The following FBXW7 variants were observed in gnomAD, a reference collection of about 807,000 sequenced individuals.
FBXW7 encodes F-box/WD repeat-containing protein 7.
A neutral mutation model predicts 86.3 loss-of-function variants in FBXW7; 11 were observed. The observed-to-expected ratio is 0.13, with a 90% confidence interval of 0.08 to 0.21. The LOEUF is 0.21. Among genes scored for constraint, FBXW7 ranks in the 10% least tolerant of loss-of-function variants. The pLI, the probability that FBXW7 is intolerant of heterozygous loss-of-function variation, is 1.00. For synonymous variants in FBXW7, 313 were observed against 297.9 expected, an observed-to-expected ratio of 1.05 and a Z score of -0.52; for missense variants, 488 against 847.4, an observed-to-expected ratio of 0.58 and a Z score of 5.27.
chr4:152,352,617 T>C (rs1274166100), intron 4 of FBXW7: 13 of 1,613,894 alleles, frequency 8.1e-6, no homozygotes, highest in Non-Finnish European at 1.1e-5. Flanking sequence ...CAGATTCTAA[T>C]GTGGACATGC....
intron 4 of FBXW7, among the ~76,000 whole-genome samples, chr4:152,374,060 T>C (rs2676345): frequency 0.96 from 146,002 of 152,104 alleles, 70,365 homozygotes; most frequent in East Asian, 1. Flanking sequence ...TCTGGAAATG[T>C]TTATATTTTC....
At chr4:152,367,208 T>C (rs1256635651) in intron 4 of FBXW7, among the ~76,000 whole-genome samples, 3 of 152,084 alleles carry the variant, frequency 2.0e-5, no homozygotes, top group Non-Finnish European at 4.4e-5. Context: ...CAAACCAACA[T>C]GGCACATGTA....
At chr4:152,369,508 C>T (rs1307130149) in intron 4 of FBXW7, among the ~76,000 whole-genome samples, 1 of 151,970 alleles carries the variant, frequency 6.6e-6, no homozygotes, top group South Asian at 2.1e-4. Context: ...GAGATAACTG[C>T]TCAGTTGTCT....
At position 152,496,360 on chromosome 4, in the gene FBXW7, T is replaced by TA. The variant is rs199903012; in HGVS notation, c.-120+38580dup. Reference sequence around the variant, plus strand: ...GATGGTAACAAAAATCATAAAAACCTAAAAAAAAAAAATCTAATGAAGACT... The same window carrying TA: ...GATGGTAACAAAAATCATAAAAACCTAAAAAAAAAAAAATCTAATGAAGACT... On this transcript the variant is annotated intron_variant, in intron 2 of 13. Coordinates refer to ENST00000281708, the MANE Select transcript of FBXW7 (RefSeq NM_001349798.2). Among the ~76,000 whole-genome samples, 474 of 145,096 alleles carry TA rather than the reference T, an allele frequency of 3.3e-3. 1 individual carries two copies. Among genetic ancestry groups the TA allele is most frequent in the African/African-American group, 0.01 (403 of 39,810 alleles).
At chr4:152,464,013 T>C (rs568856976) in intron 2 of FBXW7, among the ~76,000 whole-genome samples, 46 of 152,294 alleles carry the variant, frequency 3.0e-4, no homozygotes, top group African/African-American at 1.1e-3. Flanking sequence ...GGATGAAAAG[T>C]GAAAAGACAA....
Position 152,322,498 on chromosome 4 carries a change from T to C in FBXW7, c.*383A>G, listed in dbSNP as rs1283221345. 5 of 254,566 alleles carry C rather than the reference T, an allele frequency of 2.0e-5. No homozygotes were observed. The highest frequency in any genetic ancestry group is 1.1e-4 in the African/African-American group (5 of 45,850). 15.8% of individuals were successfully genotyped at this position (254,566 alleles called of 1,614,324 possible). A position where few individuals can be genotyped will look rare whatever the true frequency, so the allele number is the denominator to read the frequency against. ...CAGTTCCTTTCTAGGTGTCTAGCTG[T>C]CAGTGGTAAAAGAACAGGCTAGCAG... On this transcript the variant is annotated 3_prime_UTR_variant, in exon 14 of 14. Coordinates refer to ENST00000281708, the MANE Select transcript of FBXW7 (RefSeq NM_001349798.2).
At chr4:152,402,856 A>C (rs569478434) in intron 4 of FBXW7, among the ~76,000 whole-genome samples, 1 of 152,244 alleles carries the variant, frequency 6.6e-6, no homozygotes, top group Non-Finnish European at 1.5e-5. Context: ...GGACCAAAGC[A>C]AAGTCAGAGA....
At chr4:152,382,455 C>T in intron 4 of FBXW7, 1 of 1,228,888 alleles carries the variant, frequency 8.1e-7, no homozygotes, top group Non-Finnish European at 1.0e-6. Flanking sequence ...AGGCTGAGAA[C>T]CCAAGGCCTG....
intron 2 of FBXW7, among the ~76,000 whole-genome samples, chr4:152,447,838 G>C (rs1741547291): frequency 6.6e-6 from 1 of 152,122 alleles, no homozygotes; most frequent in South Asian, 2.1e-4. Context: ...TGAAGCTAAT[G>C]AAATCTACGA....
chr4:152,411,545 C>G lies in FBXW7; in HGVS notation c.259G>C (p.Val87Leu), dbSNP rs745883259. The G allele has an allele frequency of 2.6e-5, 42 of 1,613,802 alleles. No individual in the cohort carries two copies. The South Asian group carries it at 4.3e-4, about 16-fold the overall frequency. Residue 87 changes from valine to leucine, a missense_variant, in exon 4 of 14, where the codon GTA (valine) becomes CTA (leucine). By Grantham distance (32) the Val-to-Leu change is conservative. Transcript: ENST00000281708. ...LEENNNRFIS[V>L]DEDSSGNQEE... is the part of the protein sequence containing the mutation. Reference sequence around the variant, plus strand: ...TGGTTTCCTGAGGAGTCCTCATCTACCGAAATAAATCTATTATTGTTTTCT... The same window carrying G: ...TGGTTTCCTGAGGAGTCCTCATCTAGCGAAATAAATCTATTATTGTTTTCT...
At chr4:152,503,428 C>A (rs899776938) in intron 2 of FBXW7, among the ~76,000 whole-genome samples, 1 of 152,020 alleles carries the variant, frequency 6.6e-6, no homozygotes, top group Non-Finnish European at 1.5e-5. Flanking sequence ...CACCACCACG[C>A]CCGGCTAATT....
intron 2 of FBXW7, among the ~76,000 whole-genome samples, chr4:152,486,402 T>C (rs1321758896): frequency 6.6e-6 from 1 of 152,238 alleles, no homozygotes; most frequent in Non-Finnish European, 1.5e-5. Flanking sequence ...TAACATATTG[T>C]ACAGCTGCAC....
chr4:152,451,034 A>G (rs1741863554), intron 2 of FBXW7, among the ~76,000 whole-genome samples: 1 of 152,242 alleles, frequency 6.6e-6, no homozygotes, highest in South Asian at 2.1e-4. Flanking sequence ...TTTGATGTAT[A>G]GTATTGTTGA....
intron 4 of FBXW7, among the ~76,000 whole-genome samples, chr4:152,374,889 G>GC (rs1239732061): frequency 6.8e-6 from 1 of 146,864 alleles, no homozygotes; most frequent in Non-Finnish European, 1.5e-5. Context: ...GTTACAGGAG[G>GC]GGGGGGGATG....
At position 152,536,046 on chromosome 4, in the gene FBXW7, C is replaced by G. The variant is rs1252086540; in HGVS notation, c.-1132G>C. On this transcript the variant is annotated 5_prime_UTR_variant, in exon 1 of 14. Coordinates refer to ENST00000281708, the MANE Select transcript of FBXW7 (RefSeq NM_001349798.2). ...CAGCGGCAGCGCCCGGAGCTCAGCT[C>G]GCTGTCTCCCTCGCTCTGTGCGGGG... is the stretch of plus-strand genomic sequence containing the variant. The G allele has an allele frequency of 9.7e-6, 2 of 207,090 alleles. No individual in the cohort carries two copies. The highest frequency in any genetic ancestry group is 1.9e-5 in the Non-Finnish European group (2 of 104,346). The allele number at this position is 207,090 out of a possible 1,614,324, so 12.8% of individuals were successfully genotyped here. A position where few individuals can be genotyped will look rare whatever the true frequency, so the allele number is the denominator to read the frequency against.
chr4:152,483,190 T>C (rs1028179787), intron 2 of FBXW7, among the ~76,000 whole-genome samples: 3 of 152,144 alleles, frequency 2.0e-5, no homozygotes, highest in Non-Finnish European at 1.5e-5. Context: ...TTGTGTACAC[T>C]CTTTGAATTA....
chr4:152,424,336 A>G (rs1049751681), intron 2 of FBXW7, among the ~76,000 whole-genome samples: 2 of 152,152 alleles, frequency 1.3e-5, no homozygotes, highest in Non-Finnish European at 2.9e-5. Context: ...AACTTTGACT[A>G]ATAGGACAAT....
At chr4:152,334,712 G>C (rs1729899267) in intron 7 of FBXW7, among the ~76,000 whole-genome samples, 1 of 152,104 alleles carries the variant, frequency 6.6e-6, no homozygotes, top group Admixed American at 6.6e-5. Flanking sequence ...ATCTAGTCCA[G>C]TGCATTAAAG....
chr4:152,348,780 A>C (rs1204499431), intron 5 of FBXW7: 3 of 844,990 alleles, frequency 3.6e-6, no homozygotes, highest in Admixed American at 2.9e-5. Flanking sequence ...GAAATACTTT[A>C]TCATGACTAG....
Sources: allele counts gnomAD v4.1 joint callset (sites outside exome capture counted in the v4.1 genomes callset), GRCh38; gene constraint gnomAD v4.1.1; transcripts MANE v1.5; gene names NCBI Gene and HGNC (gene_info 2026-07-23, HGNC 2026-07-21).